The following PPP2R5B variants were observed in gnomAD, a reference collection of about 807,000 sequenced individuals.
The protein encoded by PPP2R5B is serine/threonine-protein phosphatase 2A 56 kDa regulatory subunit beta isoform.
Under a neutral mutation model 59.9 loss-of-function variants are expected in PPP2R5B, and 19 were observed. The ratio of observed to expected loss-of-function variants is 0.32; its 90% CI spans 0.22 to 0.47. The LOEUF is 0.47. Ranked by LOEUF, PPP2R5B falls within the 20% of genes least tolerant of loss-of-function variation. The probability of loss-of-function intolerance (pLI) is 1.00; values close to 1 mark genes in which losing one functional copy is unlikely to be tolerated. For synonymous variants in PPP2R5B, 286 were observed against 260.5 expected, an observed-to-expected ratio of 1.10 and a Z score of -0.94; for missense variants, 441 against 640.2, an observed-to-expected ratio of 0.69 and a Z score of 3.36.
In PPP2R5B at chr11:64,930,677, C is replaced by T. The variant is rs2136687628; in HGVS notation, c.891+88C>T. ...CCTGGAGGTCAGATCCTCCAGGGAT[C>T]CTATCTCACCTTCTTTGTCTTTATA... On this transcript the variant is annotated intron_variant, in intron 8 of 13. Coordinates refer to ENST00000164133, the MANE Select transcript of PPP2R5B (RefSeq NM_006244.4). 5 of 1,063,712 alleles carry T rather than the reference C, an allele frequency of 4.7e-6. No homozygotes were observed. In the South Asian group the frequency reaches 5.2e-5, roughly 11 times the overall value. The allele number at this position is 1,063,712 out of a possible 1,614,324, so 65.9% of individuals were successfully genotyped here.
chr11:64,930,150 G>A (rs649528), intron 6 of PPP2R5B, among the ~76,000 whole-genome samples, 172 bp from the exon 7 acceptor site: 6,032 of 152,114 alleles, frequency 0.04, 219 homozygotes, highest in Non-Finnish European at 0.051. Flanking sequence ...GTGTGGGGGG[G>A]CGGGGATCTC....
At chr11:64,932,424 G>A (rs1945236383) in intron 11 of PPP2R5B, among the ~76,000 whole-genome samples, 1 of 152,172 alleles carries the variant, frequency 6.6e-6, no homozygotes, top group Non-Finnish European at 1.5e-5. Context: ...ACACCTAAAA[G>A]TCTAGTATCT....
Position 64,933,913 on chromosome 11 carries a change from G to A in PPP2R5B, c.*69G>A. ...CCCTCTATCCCTTCTCCTGTCCAGG[G>A]GCCCAGAGAGAAACACACCTACCCC... On this transcript the variant is annotated 3_prime_UTR_variant, in exon 14 of 14. Coordinates refer to ENST00000164133, the MANE Select transcript of PPP2R5B (RefSeq NM_006244.4). 9.2e-6 allele frequency: 13 copies of A among 1,419,568 alleles called. No homozygotes were observed. Among genetic ancestry groups the A allele is most frequent in the Non-Finnish European group, 1.2e-5 (13 of 1,080,218 alleles). The allele number at this position is 1,419,568 out of a possible 1,614,324, so 87.9% of individuals were successfully genotyped here.
chr11:64,934,370 GC>G lies in PPP2R5B; in HGVS notation c.*527del. On this transcript the variant is annotated 3_prime_UTR_variant, in exon 14 of 14. Coordinates refer to ENST00000164133, the MANE Select transcript of PPP2R5B (RefSeq NM_006244.4). ...GGGCAGGGGGAGGGGGAGGGCACAG[GC>G]AAGAAGAGATTCACAGTGTCCTGGG... The G allele has an allele frequency of 3.3e-6, 1 of 300,914 alleles. No homozygotes were observed. Among genetic ancestry groups the G allele is most frequent in the Non-Finnish European group, 6.3e-6 (1 of 159,016 alleles). 18.6% of individuals were successfully genotyped at this position (300,914 alleles called of 1,614,324 possible). A position where few individuals can be genotyped will look rare whatever the true frequency, so the allele number is the denominator to read the frequency against.
Position 64,925,618 on chromosome 11 carries a change from C to CA in PPP2R5B, c.-117_-116insA. ...GGGGCCCAGGACTGTGGTTGTGCCCCCCCCCCAAAGGCCGGACAGGATGGG... is the reference window on the plus strand; with the variant it reads ...GGGGCCCAGGACTGTGGTTGTGCCCCACCCCCCAAAGGCCGGACAGGATGGG... On this transcript the variant is annotated 5_prime_UTR_variant, in exon 2 of 14. Transcript: ENST00000164133. The surrounding 1 kb of genome is among the most constrained non-coding windows in gnomAD (Gnocchi z 4.6). 3.6e-6 allele frequency: 2 copies of CA among 552,082 alleles called. No individual in the cohort carries two copies. Among genetic ancestry groups the CA allele is most frequent in the Non-Finnish European group, 6.4e-6 (2 of 310,392 alleles). The allele number at this position is 552,082 out of a possible 1,614,324, so 34.2% of individuals were successfully genotyped here. A position where few individuals can be genotyped will look rare whatever the true frequency, so the allele number is the denominator to read the frequency against.
intron 6 of PPP2R5B, among the ~76,000 whole-genome samples, chr11:64,929,681 G>A (rs542800876): frequency 6.6e-6 from 1 of 152,256 alleles, no homozygotes; most frequent in Admixed American, 6.5e-5. Flanking sequence ...AGCCAAGATT[G>A]CGCCACTGCA....
At position 64,931,358 on chromosome 11, in the gene PPP2R5B, C is replaced by A; in HGVS notation, c.892-78C>A. 6.7e-7 allele frequency: 1 copy of A among 1,499,028 alleles called. No individual in the cohort carries two copies. The highest frequency in any genetic ancestry group is 9.2e-7 in the Non-Finnish European group (1 of 1,084,110). The allele number at this position is 1,499,028 out of a possible 1,614,324, so 92.9% of individuals were successfully genotyped here. ...CCGTGGGTGAGCAGTATTTGGCATT[C>A]TGTCCTGGACAGCAAGTCCTTGGCG... is the stretch of plus-strand genomic sequence containing the variant. On this transcript the variant is annotated intron_variant, in intron 8 of 13. Transcript: ENST00000164133. The surrounding 1 kb of genome is among the most constrained non-coding windows in gnomAD (Gnocchi z 5.0).
Position 64,928,418 on chromosome 11 carries a change from T to C in PPP2R5B, c.715T>C (p.Phe239Leu). ...AYIRKQCNHI[F>L]LRFIYEFEHF... ...CATCCGCAAACAGTGCAACCACATC[T>C]TCCTCCGGTGAGTGGCTGCTGCCTG... Residue 239 changes from phenylalanine to leucine, a missense_variant, in exon 6 of 14, where the codon TTC (phenylalanine) becomes CTC (leucine). By Grantham distance (22) the Phe-to-Leu change is conservative (BLOSUM62 0). This residue lies in a region of PPP2R5B where 268 missense variants were observed against 488.1 expected (regional missense o/e 0.55). Coordinates refer to ENST00000164133, the MANE Select transcript of PPP2R5B (RefSeq NM_006244.4). 6.2e-7 allele frequency: 1 copy of C among 1,614,104 alleles called. No individual in the cohort carries two copies. The highest frequency in any genetic ancestry group is 8.5e-7 in the Non-Finnish European group (1 of 1,179,952).
At chr11:64,919,795 C>T (rs1945094367), upstream of PPP2R5B, among the ~76,000 whole-genome samples, 1 of 152,090 alleles carries the variant, frequency 6.6e-6, no homozygotes, top group South Asian at 2.1e-4. Flanking sequence ...GGGCTTGTTA[C>T]TTTACGTGCA....
chr11:64,926,567 G>T (rs1945165857), intron 2 of PPP2R5B, 145 bp from the exon 3 acceptor site: 1 of 812,522 alleles, frequency 1.2e-6, no homozygotes, highest in Non-Finnish European at 1.9e-6. Flanking sequence ...GTTGTTTGCT[G>T]TCTGCAAGGA....
chr11:64,932,660 G>A lies in PPP2R5B; in HGVS notation c.1117-105G>A, dbSNP rs1002766602. On this transcript the variant is annotated intron_variant, in intron 11 of 13. Transcript: ENST00000164133. Reference sequence around the variant, plus strand: ...CAGATAAGCCCTGAAGGTGGGGTGTGTGAAGGTCAGGGGGCCTGGGCGTTG... The same window carrying A: ...CAGATAAGCCCTGAAGGTGGGGTGTATGAAGGTCAGGGGGCCTGGGCGTTG... 54 of 1,419,834 alleles carry A rather than the reference G, an allele frequency of 3.8e-5. No homozygotes were observed. In the East Asian group the frequency reaches 3.9e-4, roughly 10 times the overall value. 88.0% of individuals were successfully genotyped at this position (1,419,834 alleles called of 1,614,324 possible).
Position 64,934,006 on chromosome 11 carries a change from G to A in PPP2R5B, c.*162G>A. 1 of 880,384 alleles carries A rather than the reference G, an allele frequency of 1.1e-6. No individual in the cohort carries two copies. Among genetic ancestry groups the A allele is most frequent in the Non-Finnish European group, 1.6e-6 (1 of 626,670 alleles). 54.5% of individuals were successfully genotyped at this position (880,384 alleles called of 1,614,324 possible). On this transcript the variant is annotated 3_prime_UTR_variant, in exon 14 of 14. Coordinates refer to ENST00000164133, the MANE Select transcript of PPP2R5B (RefSeq NM_006244.4). ...AGCTTTCACTGGGGGGAGACGAGGA[G>A]AGGCAATGGTGGTCTTGGCAACAGA...
upstream of PPP2R5B, among the ~76,000 whole-genome samples, chr11:64,922,811 C>T (rs1590673782): frequency 6.6e-6 from 1 of 150,962 alleles, no homozygotes; most frequent in Middle Eastern, 3.4e-3. Context: ...GGAGGCGGAG[C>T]TTGCAGTGAG....
In PPP2R5B at chr11:64,926,716, G is replaced by T. The variant is rs1945167848; in HGVS notation, c.204G>T (p.Val68=). Residue 68 remains valine (V), a synonymous_variant, in exon 3 of 14, where the codon GTG becomes GTT. Coordinates refer to ENST00000164133, the MANE Select transcript of PPP2R5B (RefSeq NM_006244.4). ...AGGATGCCCTCTCCTCCCCAGATGTGCCGGCTTCCGAGCTGCACGAGCTGC... is the reference window on the plus strand; with the variant it reads ...AGGATGCCCTCTCCTCCCCAGATGTTCCGGCTTCCGAGCTGCACGAGCTGC... ...ELTPLPLLKD[V]PASELHELLS... 27 of 1,613,944 alleles carry T rather than the reference G, an allele frequency of 1.7e-5. No individual in the cohort carries two copies. Among genetic ancestry groups the T allele is most frequent in the Non-Finnish European group, 2.3e-5 (27 of 1,179,940 alleles).
chr11:64,927,010 C>A, intron 3 of PPP2R5B, 102 bp downstream of exon 3: 1 of 1,381,646 alleles, frequency 7.2e-7, no homozygotes, highest in Non-Finnish European at 9.8e-7. Context: ...CTGTACTCAT[C>A]GGCTTGGCCT....
At chr11:64,926,616 A>G in intron 2 of PPP2R5B, 96 bp from the exon 3 acceptor site, 1 of 1,348,064 alleles carries the variant, frequency 7.4e-7, no homozygotes, top group Non-Finnish European at 1.0e-6. Context: ...TGGGGGCAGC[A>G]GAGGCAGCCG....
At chr11:64,927,020 T>A in intron 3 of PPP2R5B, 112 bp downstream of exon 3, 2 of 1,289,616 alleles carry the variant, frequency 1.6e-6, no homozygotes, top group South Asian at 1.4e-5. Flanking sequence ...CGGCTTGGCC[T>A]CAGTCCACGT....
chr11:64,927,047 C>A (rs902620840), intron 3 of PPP2R5B, 139 bp downstream of exon 3: 2 of 1,020,060 alleles, frequency 2.0e-6, no homozygotes, highest in Non-Finnish European at 2.8e-6. Flanking sequence ...TCCCCCCGAC[C>A]TGCTGCTGCC....
chr11:64,933,599 C>T, intron 13 of PPP2R5B, 98 bp from the exon 14 acceptor site: 2 of 1,419,302 alleles, frequency 1.4e-6, no homozygotes, highest in Non-Finnish European at 9.4e-7. Context: ...CATGCCTTCC[C>T]TTTGCCGGTG....
Sources: gnomAD v4.1 joint callset for allele counts (sites outside exome capture counted in the v4.1 genomes callset) on GRCh38, gnomAD v4.1.1 for gene constraint, gnomAD v4.1.1 regional missense constraint, Gnocchi (gnomAD v3.1) non-coding constraint, MANE v1.5 for transcripts, NCBI Gene and HGNC (gene_info 2026-07-23, HGNC 2026-07-21) for gene names.